Variants in NKAIN2 observed in about 807,000 individuals in gnomAD.
The protein encoded by NKAIN2 is sodium/potassium-transporting ATPase subunit beta-1-interacting protein 2.
NKAIN2 carries 14 observed loss-of-function variants against 32.6 expected under a neutral mutation model. That is an observed-to-expected ratio of 0.43 (90% CI 0.28 to 0.67). The LOEUF (loss-of-function observed/expected upper bound fraction) is 0.67. NKAIN2 is among the 30% of genes least tolerant of loss of function. NKAIN2 has a pLI of 0.17. For missense variants in NKAIN2, 198 were observed against 258.3 expected (o/e 0.77, Z 1.60); for synonymous variants, 80 against 87.2 (o/e 0.92, Z 0.46).
At chr6:124,161,019 A>G (rs1788250423) in intron 1 of NKAIN2, among the ~76,000 whole-genome samples, 1 of 152,230 alleles carries the variant, frequency 6.6e-6, no homozygotes, top group Admixed American at 6.5e-5. Context: ...CTTACACTAA[A>G]TGTGACTGTC....
chr6:124,321,153 C>T (rs1044269190), intron 2 of NKAIN2, among the ~76,000 whole-genome samples: 1 of 152,164 alleles, frequency 6.6e-6, no homozygotes, highest in Non-Finnish European at 1.5e-5. Flanking sequence ...CGTGGCAATC[C>T]TGCCTGCCTT....
At chr6:123,942,971 T>G (rs1333443286) in intron 1 of NKAIN2, among the ~76,000 whole-genome samples, 1 of 152,078 alleles carries the variant, frequency 6.6e-6, no homozygotes, top group Non-Finnish European at 1.5e-5. Context: ...ATAAGCTATA[T>G]TTTCTCTCTT....
chr6:124,209,609 C>G (rs568719709), intron 1 of NKAIN2, among the ~76,000 whole-genome samples: 1 of 151,960 alleles, frequency 6.6e-6, no homozygotes, highest in South Asian at 2.1e-4. Flanking sequence ...CACATCCTCA[C>G]CACCATCTGT....
chr6:124,269,857 C>A (rs1468705042), intron 1 of NKAIN2, among the ~76,000 whole-genome samples: 9 of 152,102 alleles, frequency 5.9e-5, no homozygotes, highest in Admixed American at 5.9e-4. Flanking sequence ...CATTTCATCT[C>A]TTGATTGGCC....
chr6:124,449,718 A>G (rs1450589912), intron 3 of NKAIN2, among the ~76,000 whole-genome samples: 1 of 152,060 alleles, frequency 6.6e-6, no homozygotes, highest in East Asian at 1.9e-4. Flanking sequence ...CAAATTTCAA[A>G]GTTTTGAGTC....
chr6:124,669,445 A>G (rs1482499496), intron 4 of NKAIN2, among the ~76,000 whole-genome samples: 1 of 152,072 alleles, frequency 6.6e-6, no homozygotes, highest in East Asian at 1.9e-4. Context: ...AGGATAAGGT[A>G]AAAAAGAGCC....
At chr6:124,597,356 A>C (rs1373424723) in intron 3 of NKAIN2, among the ~76,000 whole-genome samples, 1 of 151,674 alleles carries the variant, frequency 6.6e-6, no homozygotes, top group Non-Finnish European at 1.5e-5. Flanking sequence ...GGACACACTT[A>C]TACTAAAATA....
chr6:124,644,498 G>A (rs556380833), intron 3 of NKAIN2, among the ~76,000 whole-genome samples: 4 of 151,612 alleles, frequency 2.6e-5, no homozygotes, highest in African/African-American at 7.3e-5. Context: ...TCCGCCTCCC[G>A]GGTTCAAGCG....
At chr6:124,043,883 A>G (rs1256355821) in intron 1 of NKAIN2, among the ~76,000 whole-genome samples, 3 of 152,086 alleles carry the variant, frequency 2.0e-5, no homozygotes, top group Non-Finnish European at 4.4e-5. Context: ...GATCATACAC[A>G]TTATTAAACA....
chr6:124,286,673 TGCGC>T (rs71021487), intron 2 of NKAIN2, among the ~76,000 whole-genome samples: 16 of 101,890 alleles, frequency 1.6e-4, no homozygotes, highest in African/African-American at 7.2e-4. Context: ...TGTGTGTGTG[TGCGC>T]GCGCGTGTGT....
At chr6:124,133,038 G>A (rs1181323261) in intron 1 of NKAIN2, among the ~76,000 whole-genome samples, 2 of 152,152 alleles carry the variant, frequency 1.3e-5, no homozygotes, top group Non-Finnish European at 2.9e-5. Flanking sequence ...GGCGCAGGAG[G>A]GAAAGTCTGC....
chr6:124,622,827 G>A (rs1349703297), intron 3 of NKAIN2, among the ~76,000 whole-genome samples: 1 of 152,012 alleles, frequency 6.6e-6, no homozygotes, highest in Non-Finnish European at 1.5e-5. Context: ...TTTCTCTGCC[G>A]CATCGCTCTG....
intron 3 of NKAIN2, among the ~76,000 whole-genome samples, chr6:124,432,730 A>G (rs747055255): frequency 1.1e-4 from 17 of 152,270 alleles, no homozygotes; most frequent in Non-Finnish European, 1.8e-4. Flanking sequence ...TCCAGCCTCT[A>G]TGGCCACCAA....
intron 4 of NKAIN2, among the ~76,000 whole-genome samples, chr6:124,674,830 T>C (rs1773277581): frequency 6.6e-6 from 1 of 152,028 alleles, no homozygotes; most frequent in Non-Finnish European, 1.5e-5. Flanking sequence ...CTTTTCTGAT[T>C]TGGATACCTT....
chr6:123,997,742 T>C (rs940925199), intron 1 of NKAIN2, among the ~76,000 whole-genome samples: 4 of 151,450 alleles, frequency 2.6e-5, no homozygotes, highest in Non-Finnish European at 4.4e-5. Flanking sequence ...TGGCTGGGAC[T>C]ACAGGCGCCT....
At chr6:124,732,471 C>T (rs2065974) in intron 4 of NKAIN2, among the ~76,000 whole-genome samples, 6,257 of 152,120 alleles carry the variant, frequency 0.041, 130 homozygotes, top group East Asian at 0.089. Context: ...GGTCACTATA[C>T]GCCAAGTACT....
intron 3 of NKAIN2, among the ~76,000 whole-genome samples, chr6:124,440,107 C>T (rs543047578): frequency 2.7e-4 from 41 of 152,180 alleles, no homozygotes; most frequent in Non-Finnish European, 4.4e-4. Context: ...AACCAATCAT[C>T]AAATGTGAGC....
intron 1 of NKAIN2, among the ~76,000 whole-genome samples, chr6:124,159,996 G>A (rs529591268): frequency 1.0e-3 from 155 of 152,186 alleles, no homozygotes; most frequent in Non-Finnish European, 1.6e-3. Context: ...AAGGCATCAT[G>A]TGTGTTGGGA....
intron 4 of NKAIN2, among the ~76,000 whole-genome samples, chr6:124,765,628 C>T (rs1220003598): frequency 6.6e-6 from 1 of 152,180 alleles, no homozygotes; most frequent in Non-Finnish European, 1.5e-5. Context: ...TGTGGAAGGC[C>T]TCATGAAGAA....
Sources: gnomAD v4.1 joint callset for allele counts (sites outside exome capture counted in the v4.1 genomes callset) on GRCh38, gnomAD v4.1.1 for gene constraint, MANE v1.5 for transcripts, NCBI Gene and HGNC (gene_info 2026-07-23, HGNC 2026-07-21) for gene names.